UGGT1: variants seen among roughly 807,000 people sequenced by gnomAD.
The protein encoded by UGGT1 is UDP-glucose glycoprotein glucosyltransferase 1.
A neutral mutation model predicts 203.9 loss-of-function variants in UGGT1; 107 were observed. That is an observed-to-expected ratio of 0.52 (90% confidence interval 0.45 to 0.62). UGGT1 has a LOEUF of 0.62. UGGT1 is among the 20% of genes least tolerant of loss of function. The probability of loss-of-function intolerance (pLI) is 0.00; values close to 1 mark genes in which losing one functional copy is unlikely to be tolerated. For synonymous variants in UGGT1, 628 were observed against 653.5 expected, an observed-to-expected ratio of 0.96 and a Z score of 0.59; for missense variants, 1,673 against 1,867.2, an observed-to-expected ratio of 0.90 and a Z score of 1.92.
chr2:128,132,229 T>C (rs967761021), intron 13 of UGGT1, among the ~76,000 whole-genome samples: 2 of 151,968 alleles, frequency 1.3e-5, no homozygotes, highest in African/African-American at 4.8e-5. Context: ...GATTTTTTTT[T>C]ACATTTTCTT....
At chr2:128,188,943 T>A (rs185107854) in intron 40 of UGGT1, among the ~76,000 whole-genome samples, 37 of 152,358 alleles carry the variant, frequency 2.4e-4, no homozygotes, top group Non-Finnish European at 4.7e-4. Context: ...TTCCGATTCA[T>A]CAGTAAAACC....
intron 22 of UGGT1, among the ~76,000 whole-genome samples, 165 bp downstream of exon 22, chr2:128,157,511 A>G (rs1268763831): frequency 1.3e-5 from 2 of 152,164 alleles, no homozygotes; most frequent in Non-Finnish European, 2.9e-5. Context: ...CTCTCAAGAA[A>G]AGAGATCTAA....
At position 128,172,158 on chromosome 2, in the gene UGGT1, G is replaced by A. The variant is rs73955971; in HGVS notation, c.3105-415G>A. ...GAATTGGTTTTAAAGAGAAAAATGA[G>A]TCCTCCTTGAAGGGAGGAAAATGCC... On this transcript the variant is annotated intron_variant, in intron 28 of 40. Transcript: ENST00000259253. Among the ~76,000 whole-genome samples, 629 of 152,338 alleles carry A rather than the reference G, an allele frequency of 4.1e-3. 6 individuals carry two copies. The highest frequency in any genetic ancestry group is 0.013 in the African/African-American group (551 of 41,576).
chr2:128,183,937 TGAGA>T (rs71396517), intron 38 of UGGT1, 148 bp downstream of exon 38: 737 of 324,198 alleles, frequency 2.3e-3, no homozygotes, highest in East Asian at 6.4e-3. Context: ...TGTGTGTGTG[TGAGA>T]GAGAGAGAGA....
chr2:128,109,318 C>T (rs1202531836), intron 4 of UGGT1, among the ~76,000 whole-genome samples: 2 of 152,208 alleles, frequency 1.3e-5, no homozygotes, highest in African/African-American at 4.8e-5. Context: ...ATCCTCCTAC[C>T]TCAGCCTCCT....
At chr2:128,156,523 G>A (rs1416130702) in intron 21 of UGGT1, 108 bp downstream of exon 21, 3 of 811,186 alleles carry the variant, frequency 3.7e-6, no homozygotes, top group Non-Finnish European at 5.9e-6. Flanking sequence ...TCCGGAATCT[G>A]TGGGTAACAG....
intron 11 of UGGT1, among the ~76,000 whole-genome samples, chr2:128,123,783 C>G (rs1190447049): frequency 6.6e-6 from 1 of 152,142 alleles, no homozygotes; most frequent in Non-Finnish European, 1.5e-5. Context: ...TGCCGGTCAT[C>G]CTGAGACCTT....
At chr2:128,176,323 A>G (rs1691369618) in intron 31 of UGGT1, among the ~76,000 whole-genome samples, 1 of 151,796 alleles carries the variant, frequency 6.6e-6, no homozygotes, top group South Asian at 2.1e-4. Flanking sequence ...GAAGCAGGAG[A>G]ATCACTTGAA....
At chr2:128,123,288 C>G in intron 11 of UGGT1, 42 bp downstream of exon 11, 1 of 1,544,182 alleles carries the variant, frequency 6.5e-7, no homozygotes, top group Non-Finnish European at 8.9e-7. Flanking sequence ...TGTATTCTAT[C>G]TTTAAAGATA....
intron 29 of UGGT1, among the ~76,000 whole-genome samples, chr2:128,173,090 A>G (rs779769950): frequency 6.6e-6 from 1 of 152,190 alleles, no homozygotes; most frequent in Non-Finnish European, 1.5e-5. Context: ...TTGTATCTCT[A>G]TGGATTTGCC....
chr2:128,115,057 C>T, intron 6 of UGGT1, 67 bp from the exon 7 acceptor site: 2 of 1,392,786 alleles, frequency 1.4e-6, no homozygotes, highest in East Asian at 2.3e-5. Flanking sequence ...TTAACATGGT[C>T]ATGCCATGTA....
At chr2:128,121,050 A>T in intron 9 of UGGT1, 149 bp from the exon 10 acceptor site, 1 of 734,702 alleles carries the variant, frequency 1.4e-6, no homozygotes, top group South Asian at 1.8e-5. Flanking sequence ...ATAAAACCTG[A>T]AATTAAATCA....
intron 9 of UGGT1, 58 bp from the exon 10 acceptor site, chr2:128,121,141 T>C: frequency 1.3e-6 from 2 of 1,552,284 alleles, no homozygotes; most frequent in Non-Finnish European, 1.8e-6. Flanking sequence ...GGATTTTGTT[T>C]TCTGCTTCTC....
chr2:128,136,402 A>G (rs1336588567), intron 15 of UGGT1, among the ~76,000 whole-genome samples: 2 of 151,610 alleles, frequency 1.3e-5, no homozygotes, highest in Admixed American at 6.6e-5. Flanking sequence ...TTTGGCAACT[A>G]CTGATCTTTT....
At chr2:128,130,579 A>T (rs961526888) in intron 13 of UGGT1, among the ~76,000 whole-genome samples, 5 of 152,192 alleles carry the variant, frequency 3.3e-5, no homozygotes, top group Non-Finnish European at 7.4e-5. Context: ...CAACCATAGG[A>T]CCCATCATCA....
intron 37 of UGGT1, among the ~76,000 whole-genome samples, chr2:128,182,698 C>CAAAAAAAAAA (rs70988612): frequency 0.14 from 15,803 of 116,400 alleles, 1,593 homozygotes; most frequent in South Asian, 0.22. Flanking sequence ...GATTCCATCT[C>CAAAAAAAAAA]AAAAAAAAAA....
rs1178262102 is a variant in UGGT1, at chr2:128,123,221, G to T, written c.1109G>T (p.Arg370Ile). 1 of 1,613,384 alleles carries T rather than the reference G, an allele frequency of 6.2e-7. No homozygotes were observed. The highest frequency in any genetic ancestry group is 1.3e-5 in the African/African-American group (1 of 74,884). Residue 370 changes from arginine to isoleucine, a missense_variant, in exon 11 of 41, where the codon AGA (arginine) becomes ATA (isoleucine). By Grantham distance (97) the Arg-to-Ile change is moderately conservative. Coordinates refer to ENST00000259253, the MANE Select transcript of UGGT1 (RefSeq NM_020120.4). ...AAAACAGCTGTGAGCTCAGAACTTAGAACCGAAGTGGAAGAGAATCAGAAG... is the reference window on the plus strand; with the variant it reads ...AAAACAGCTGTGAGCTCAGAACTTATAACCGAAGTGGAAGAGAATCAGAAG... The part of the protein sequence containing the change: ...ITKTAVSSEL[R>I]TEVEENQKYF...
In UGGT1 at chr2:128,173,839, GCT is replaced by G; in HGVS notation, c.3354_3355del (p.Cys1118Ter). On this transcript the variant is annotated stop_gained and frameshift_variant, in exon 30 of 41. Coordinates refer to ENST00000259253, the MANE Select transcript of UGGT1 (RefSeq NM_020120.4). LOFTEE classifies it high-confidence loss of function. ...GAATACCTGTTACTGGAAGGTCATT[GCT>G]ACGACATCACCACAGGCCAGCCTCC... The G allele has an allele frequency of 6.2e-7, 1 of 1,614,182 alleles. No homozygotes were observed.
At chr2:128,182,319 T>C (rs1371367640) in intron 37 of UGGT1, 29 bp downstream of exon 37, 1 of 1,572,190 alleles carries the variant, frequency 6.4e-7, no homozygotes, top group Non-Finnish European at 8.6e-7. Context: ...CCTAACACTG[T>C]TACGGGGTTT....
Sources: allele counts gnomAD v4.1 joint callset (sites outside exome capture counted in the v4.1 genomes callset), GRCh38; gene constraint gnomAD v4.1.1; transcripts MANE v1.5; gene names NCBI Gene and HGNC (gene_info 2026-07-23, HGNC 2026-07-21).